PRDM10: variants seen among roughly 807,000 people sequenced by gnomAD.
The protein encoded by PRDM10 is PR/SET domain 10, also known as PR domain zinc finger protein 10.
In PRDM10, 65 loss-of-function variants were observed where a neutral mutation model predicts 133.1. The ratio of observed to expected loss-of-function variants is 0.49; its 90% CI spans 0.40 to 0.60. PRDM10 has a LOEUF of 0.60. Among genes scored for constraint, PRDM10 ranks in the 20% least tolerant of loss-of-function variants. The pLI is 0.00. For missense variants in PRDM10, 1,137 were observed against 1,507.1 expected, an observed-to-expected ratio of 0.75 and a Z score of 4.07; for synonymous variants, 582 against 580.4, an observed-to-expected ratio of 1.00 and a Z score of -0.04.
intron 1 of PRDM10, among the ~76,000 whole-genome samples, chr11:129,975,298 G>A (rs913554238): frequency 1.3e-5 from 2 of 151,900 alleles, no homozygotes; most frequent in African/African-American, 4.8e-5. Flanking sequence ...GTGGTGGCAG[G>A]CGCCTGTAGT....
At chr11:129,926,402 G>A (rs940166412) in intron 11 of PRDM10, among the ~76,000 whole-genome samples, 6 of 152,176 alleles carry the variant, frequency 3.9e-5, no homozygotes, top group Non-Finnish European at 5.9e-5. Context: ...ACAAGGGGGG[G>A]AAATCCTTCA....
intron 1 of PRDM10, among the ~76,000 whole-genome samples, chr11:129,995,088 C>T (rs4937476): frequency 6.6e-6 from 1 of 152,158 alleles, no homozygotes; most frequent in Non-Finnish European, 1.5e-5. Context: ...TACTAAAGTA[C>T]TTGAGAGAAC....
chr11:129,987,920 G>A (rs1384055126), intron 1 of PRDM10, among the ~76,000 whole-genome samples: 1 of 152,194 alleles, frequency 6.6e-6, no homozygotes, highest in African/African-American at 2.4e-5. Context: ...AGAATGGCCT[G>A]AACCCAGGAG....
rs1415523246 is a variant in PRDM10, at chr11:129,942,610, T to C, written c.782A>G (p.Asp261Gly). The change falls in exon 7 of 21, where the codon GAC becomes GGC. Residue 261 changes from aspartate to glycine, a missense_variant. By Grantham distance (94) the Asp-to-Gly change is moderately conservative. Coordinates refer to ENST00000360871, the MANE Select transcript of PRDM10 (RefSeq NM_199437.2). ...TTCATGTAAATCCCTTTCTTTCCTG[T>C]CCCCTTTATCAAGAGAAACCTGCAC... ...IHLKVSLDKGDRKERDLHEDL... is the reference protein window; with the variant it reads ...IHLKVSLDKGGRKERDLHEDL... 6.2e-7 allele frequency: 1 copy of C among 1,613,314 alleles called. No individual in the cohort carries two copies. Among genetic ancestry groups the C allele is most frequent in the African/African-American group, 1.3e-5 (1 of 74,768 alleles).
At position 129,923,287 on chromosome 11, in the gene PRDM10, G is replaced by C. The variant is rs1950567961; in HGVS notation, c.1995C>G (p.Arg665=). Residue 665 remains arginine, a synonymous_variant, in exon 13 of 21, where the codon CGC becomes CGG. Transcript: ENST00000360871. This position sits in a 1 kb window ranked among gnomAD's most constrained non-coding sequence, Gnocchi z 4.4. ...CACAGGTGGAACACAGGAAGTCTTT[G>C]CGGTCCGAATGCCGGAGCATGTGGA... The part of the protein sequence containing the change: ...LRLHMLRHSD[R]KDFLCSTCGK... The C allele has an allele frequency of 1.3e-6, 2 of 1,597,622 alleles. No homozygotes were observed. The highest frequency in any genetic ancestry group is 8.5e-7 in the Non-Finnish European group (1 of 1,171,506).
At chr11:129,929,393 A>G (rs1280059017) in intron 11 of PRDM10, 1 of 1,567,156 alleles carries the variant, frequency 6.4e-7, no homozygotes, top group Non-Finnish European at 8.7e-7. Flanking sequence ...TATGTGAAAC[A>G]CAGGAAACAA....
At chr11:129,993,776 G>A (rs1182164023) in intron 1 of PRDM10, among the ~76,000 whole-genome samples, 4 of 152,080 alleles carry the variant, frequency 2.6e-5, no homozygotes, top group Non-Finnish European at 5.9e-5. Context: ...GAGCCACCGC[G>A]CCTGGCCCAA....
At chr11:129,971,763 G>A (rs1003986535) in intron 1 of PRDM10, among the ~76,000 whole-genome samples, 1 of 152,252 alleles carries the variant, frequency 6.6e-6, no homozygotes, top group African/African-American at 2.4e-5. Context: ...GAGCCCAGCT[G>A]GCTTCACCCA....
Position 129,932,166 on chromosome 11 carries a change from G to A in PRDM10, c.1223C>T (p.Pro408Leu), listed in dbSNP as rs1287874724. The change falls in exon 10 of 21, where the codon CCT becomes CTT. Residue 408 changes from proline (P) to leucine (L), a missense_variant. Physicochemically the swap from Pro to Leu is moderately conservative, Grantham distance 98 (BLOSUM62 -3). Transcript: ENST00000360871. ...RFGPGRRPGR[P>L]PKFIRLEITS... ...GATTTCCAGGCGGATAAATTTTGGA[G>A]GACGCCCCGGCCGTCGACCTGGACC... 6.2e-7 allele frequency: 1 copy of A among 1,614,104 alleles called. No individual in the cohort carries two copies. Among genetic ancestry groups the A allele is most frequent in the East Asian group, 2.2e-5 (1 of 44,878 alleles).
At position 129,918,590 on chromosome 11, in the gene PRDM10, G is replaced by A; in HGVS notation, c.2163C>T (p.Phe721=). 1 of 1,614,210 alleles carries A rather than the reference G, an allele frequency of 6.2e-7. No individual in the cohort carries two copies. Among genetic ancestry groups the A allele is most frequent in the Non-Finnish European group, 8.5e-7 (1 of 1,180,026 alleles). The part of the protein sequence containing the change: ...PRITSTDYDS[F]TFKCRLCMMG... ...TCATGCACAGGCGGCACTTGAACGT[G>A]AAGCTGTCGTAGTCTGTGGACGTGA... is the stretch of plus-strand genomic sequence containing the variant. Residue 721 remains phenylalanine (F), a synonymous_variant, in exon 14 of 21, where the codon TTC becomes TTT. Coordinates refer to ENST00000360871, the MANE Select transcript of PRDM10 (RefSeq NM_199437.2). This position sits in a 1 kb window ranked among gnomAD's most constrained non-coding sequence, Gnocchi z 5.3.
At chr11:129,903,842 T>C (rs1391401966) in intron 20 of PRDM10, among the ~76,000 whole-genome samples, 1 of 152,074 alleles carries the variant, frequency 6.6e-6, no homozygotes, top group African/African-American at 2.4e-5. Context: ...AGGGGGTCCA[T>C]AGGTCAGCTG....
chr11:129,962,120 C>T (rs77116497), intron 1 of PRDM10, among the ~76,000 whole-genome samples: 333 of 152,254 alleles, frequency 2.2e-3, no homozygotes, highest in African/African-American at 7.7e-3. Flanking sequence ...GAGTGATTAG[C>T]GGCCAAATAA....
chr11:129,994,352 C>T (rs1412445497), intron 1 of PRDM10, among the ~76,000 whole-genome samples: 1 of 135,768 alleles, frequency 7.4e-6, no homozygotes, highest in African/African-American at 3.0e-5. Context: ...GTAATCCCAG[C>T]TACTCAGGAG....
intron 15 of PRDM10, 72 bp downstream of exon 15, chr11:129,917,055 T>G (rs1163227086): frequency 1.3e-5 from 14 of 1,074,044 alleles, no homozygotes; most frequent in African/African-American, 4.8e-5. Context: ...TAGTATATAT[T>G]TATAAATACG....
At chr11:129,982,289 C>CGT (rs957393089) in intron 1 of PRDM10, among the ~76,000 whole-genome samples, 1 of 150,018 alleles carries the variant, frequency 6.7e-6, no homozygotes. Flanking sequence ...TGTGTGCGCG[C>CGT]GTGTGTGTGT....
At chr11:129,963,390 A>AGAAGG in intron 1 of PRDM10, among the ~76,000 whole-genome samples, 1 of 101,720 alleles carries the variant, frequency 9.8e-6, no homozygotes, top group Non-Finnish European at 1.7e-5. Context: ...AAGAGAGAAG[A>AGAAGG]GAAGAGAAGA....
At chr11:129,952,060 G>A (rs1053995849) in intron 4 of PRDM10, among the ~76,000 whole-genome samples, 1 of 152,158 alleles carries the variant, frequency 6.6e-6, no homozygotes, top group East Asian at 1.9e-4. Flanking sequence ...CTGTGCTGGT[G>A]GAAAGGAAAC....
intron 1 of PRDM10, among the ~76,000 whole-genome samples, chr11:129,977,130 C>T (rs1937803127): frequency 6.6e-6 from 1 of 152,064 alleles, no homozygotes. Context: ...ATTCCACTGT[C>T]CAGGGTCTGG....
intron 1 of PRDM10, among the ~76,000 whole-genome samples, chr11:129,961,795 A>G (rs944611106): frequency 3.3e-5 from 5 of 152,086 alleles, no homozygotes; most frequent in African/African-American, 1.2e-4. Flanking sequence ...TATATATAAT[A>G]TCTTATAAAA....
Sources: allele counts gnomAD v4.1 joint callset (sites outside exome capture counted in the v4.1 genomes callset), GRCh38; gene constraint gnomAD v4.1.1; non-coding constraint Gnocchi (gnomAD v3.1); transcripts MANE v1.5; gene names NCBI Gene and HGNC (gene_info 2026-07-23, HGNC 2026-07-21).